Variants in TMEM254 observed in about 807,000 individuals in gnomAD.
TMEM254 encodes the protein transmembrane protein 254.
TMEM254 carries 16 observed loss-of-function variants against 13.9 expected under a neutral mutation model. The ratio of observed to expected loss-of-function variants is 1.15; its 90% CI spans 0.78 to 1.75. TMEM254 has a LOEUF of 1.75. Among genes scored for constraint, TMEM254 ranks in the 40% most tolerant of loss-of-function variants. The pLI is 0.00. For missense variants in TMEM254, 155 were observed against 149.0 expected, an observed-to-expected ratio of 1.04 and a Z score of -0.21; for synonymous variants, 61 against 56.4, an observed-to-expected ratio of 1.08 and a Z score of -0.36.
At chr10:80,086,333 C>T (rs900778627) in intron 3 of TMEM254, 1 of 1,142,614 alleles carries the variant, frequency 8.8e-7, no homozygotes, top group Non-Finnish European at 1.2e-6. Context: ...AACTGTGACC[C>T]TTCTGAAGGA....
chr10:80,085,967 A>G (rs758855734), intron 3 of TMEM254, among the ~76,000 whole-genome samples: 25 of 152,268 alleles, frequency 1.6e-4, no homozygotes, highest in Non-Finnish European at 1.5e-4. Flanking sequence ...AAAAATTTGT[A>G]TGTAGAGTAG....
intron 3 of TMEM254, among the ~76,000 whole-genome samples, chr10:80,083,104 A>ATTTTT (rs1159614284): frequency 2.1e-5 from 2 of 93,922 alleles, no homozygotes; most frequent in African/African-American, 7.5e-5. Flanking sequence ...AATAAGCTAG[A>ATTTTT]CTTTTTTTTT....
At chr10:80,086,154 G>A (rs1310620116) in intron 3 of TMEM254, 3 of 932,718 alleles carry the variant, frequency 3.2e-6, no homozygotes, top group Admixed American at 4.1e-5. Flanking sequence ...CATCTGCTTG[G>A]GTCTTGGTGG....
Position 80,079,833 on chromosome 10 carries a change from C to G in TMEM254, c.87+1047C>G, listed in dbSNP as rs1377008884. On this transcript the variant is annotated intron_variant, in intron 1 of 3. Coordinates refer to ENST00000372281, the MANE Select transcript of TMEM254 (RefSeq NM_025125.4). Reference sequence around the variant, plus strand: ...GTTCAAGCGATTCTCATGTCTTTACCTGTAGCTGGGATTACACTATGCCCA... The same window carrying G: ...GTTCAAGCGATTCTCATGTCTTTACGTGTAGCTGGGATTACACTATGCCCA... The G allele has an allele frequency of 1.2e-5, 5 of 406,500 alleles. No individual in the cohort carries two copies. In the Admixed American group the frequency reaches 3.2e-4, roughly 26 times the overall value. The allele number at this position is 406,500 out of a possible 1,614,324, so 25.2% of individuals were successfully genotyped here.
intron 3 of TMEM254, among the ~76,000 whole-genome samples, chr10:80,088,433 G>GTTT (rs58187971): frequency 1.3e-5 from 2 of 149,502 alleles, no homozygotes; most frequent in African/African-American, 2.5e-5. Flanking sequence ...TTTCCATTAT[G>GTTT]TTTTTTTTCT....
At position 80,092,115 on chromosome 10, in the gene TMEM254, A is replaced by G. The variant is rs368925025; in HGVS notation, c.*1198A>G. On this transcript the variant is annotated 3_prime_UTR_variant, in exon 4 of 4. Transcript: ENST00000372281. ...AATGACTCTGTCACCACTAGGAGCC[A>G]TTAGGGCTTCTTCCCTGGAGGACTG... The G allele has an allele frequency of 6.6e-6, 1 of 152,244 alleles. No homozygotes were observed. Among genetic ancestry groups the G allele is most frequent in the East Asian group, 1.9e-4 (1 of 5,198 alleles). 9.4% of individuals were successfully genotyped at this position (152,244 alleles called of 1,614,324 possible). A position where few individuals can be genotyped will look rare whatever the true frequency, so the allele number is the denominator to read the frequency against.
intron 3 of TMEM254, among the ~76,000 whole-genome samples, chr10:80,083,251 C>T (rs113507479): frequency 8.6e-4 from 131 of 151,798 alleles, no homozygotes; most frequent in African/African-American, 3.1e-3. Context: ...TTACAGAAGC[C>T]CACCACCATG....
intron 3 of TMEM254, among the ~76,000 whole-genome samples, chr10:80,089,012 G>A (rs560002869): frequency 1.4e-4 from 21 of 151,636 alleles, no homozygotes; most frequent in East Asian, 7.9e-4. Flanking sequence ...TTTTCTAATT[G>A]TCTGATGGTA....
At chr10:80,089,681 G>GT (rs61380785) in intron 3 of TMEM254, among the ~76,000 whole-genome samples, 14,095 of 151,574 alleles carry the variant, frequency 0.093, 991 homozygotes, top group East Asian at 0.39. Context: ...CCATCTCTGG[G>GT]GGGGTTGGAA....
intron 1 of TMEM254, chr10:80,079,827 C>A (rs1281749401): frequency 9.4e-6 from 4 of 423,640 alleles, no homozygotes; most frequent in Non-Finnish European, 1.3e-5. Context: ...ATTCTCATGT[C>A]TTTACCTGTA....
intron 3 of TMEM254, among the ~76,000 whole-genome samples, chr10:80,089,681 G>GTT (rs61380785): frequency 1.3e-5 from 2 of 151,608 alleles, no homozygotes; most frequent in East Asian, 3.9e-4. Context: ...CCATCTCTGG[G>GTT]GGGGTTGGAA....
At chr10:80,085,134 A>G (rs957519923) in intron 3 of TMEM254, among the ~76,000 whole-genome samples, 4 of 152,140 alleles carry the variant, frequency 2.6e-5, no homozygotes, top group Non-Finnish European at 4.4e-5. Flanking sequence ...AATTTAATAT[A>G]CAATTTTTTT....
Position 80,091,112 on chromosome 10 carries a change from T to C in TMEM254, c.*195T>C. ...TGAGCTTGAATAGACCAGTTGTTAC[T>C]TAAGAAAGAAACAGAGAAAGATTTT... On this transcript the variant is annotated 3_prime_UTR_variant, in exon 4 of 4. Coordinates refer to ENST00000372281, the MANE Select transcript of TMEM254 (RefSeq NM_025125.4). 1.8e-6 allele frequency: 1 copy of C among 556,766 alleles called. No individual in the cohort carries two copies. The highest frequency in any genetic ancestry group is 3.2e-5 in the South Asian group (1 of 31,678). The allele number at this position is 556,766 out of a possible 1,614,324, so 34.5% of individuals were successfully genotyped here. A position where few individuals can be genotyped will look rare whatever the true frequency, so the allele number is the denominator to read the frequency against.
intron 3 of TMEM254, among the ~76,000 whole-genome samples, chr10:80,085,748 C>A (rs184872520): frequency 1.9e-4 from 28 of 150,616 alleles, no homozygotes; most frequent in African/African-American, 7.0e-4. Context: ...CATAACAATA[C>A]TTTAACAAGA....
chr10:80,086,203 T>C (rs1193489888), intron 3 of TMEM254: 7 of 1,410,360 alleles, frequency 5.0e-6, no homozygotes, highest in Admixed American at 3.3e-5. Flanking sequence ...AAGAAAACTT[T>C]CTTAAAAGAC....
chr10:80,091,124 CAG>C lies in TMEM254; in HGVS notation c.*211_*212del, dbSNP rs1257366587. The C allele has an allele frequency of 1.0e-4, 52 of 520,090 alleles. No homozygotes were observed. The highest frequency in any genetic ancestry group is 1.5e-4 in the Non-Finnish European group (48 of 312,262). The allele number at this position is 520,090 out of a possible 1,614,324, so 32.2% of individuals were successfully genotyped here. ...GACCAGTTGTTACTTAAGAAAGAAA[CAG>C]AGAAAGATTTTAGCTTTTCAATCCT... is the stretch of plus-strand genomic sequence containing the variant. On this transcript the variant is annotated 3_prime_UTR_variant, in exon 4 of 4. Transcript: ENST00000372281.
At chr10:80,080,283 G>A (rs968559505) in intron 1 of TMEM254, among the ~76,000 whole-genome samples, 4 of 152,190 alleles carry the variant, frequency 2.6e-5, no homozygotes, top group Admixed American at 6.5e-5. Flanking sequence ...TCGTGAGAGA[G>A]GTAGTACTGC....
At chr10:80,078,871 C>T in intron 1 of TMEM254, 85 bp downstream of exon 1, 1 of 1,534,698 alleles carries the variant, frequency 6.5e-7, no homozygotes, top group Non-Finnish European at 8.8e-7. Flanking sequence ...AGGCCGCGGG[C>T]CGGGGGAAGT....
chr10:80,079,211 G>GGGGGGC, intron 1 of TMEM254: 1 of 1,000,116 alleles, frequency 1.0e-6, no homozygotes, highest in Non-Finnish European at 1.4e-6. Context: ...GGCGGGGCGG[G>GGGGGGC]CCTCTGTTTT....
Sources: gnomAD v4.1 joint callset for allele counts (sites outside exome capture counted in the v4.1 genomes callset) on GRCh38, gnomAD v4.1.1 for gene constraint, MANE v1.5 for transcripts, NCBI Gene and HGNC (gene_info 2026-07-23, HGNC 2026-07-21) for gene names.